Variants in IL1RAPL2 observed in about 807,000 individuals in gnomAD.
IL1RAPL2 encodes interleukin 1 receptor accessory protein like 2, also known as X-linked interleukin-1 receptor accessory protein-like 2.
In IL1RAPL2, 3 loss-of-function variants were observed where a neutral mutation model predicts 44.1. That is an observed-to-expected ratio of 0.07 (90% CI 0.03 to 0.18). The LOEUF (loss-of-function observed/expected upper bound fraction) is 0.18. Ranked by LOEUF, IL1RAPL2 falls within the 10% of genes least tolerant of loss-of-function variation. The pLI is 1.00. For missense variants in IL1RAPL2, 391 were observed against 496.4 expected (o/e 0.79, Z 2.02); for synonymous variants, 181 against 178.8 (o/e 1.01, Z -0.10).
At chrX:104,652,090 G>A (rs762283205) in intron 1 of IL1RAPL2, among the ~76,000 whole-genome samples, 25 of 111,835 alleles carry the variant, frequency 2.2e-4, no homozygotes, top group Middle Eastern at 9.4e-3. Flanking sequence ...AGGGAGCTAG[G>A]GTATTTATTC....
intron 2 of IL1RAPL2, among the ~76,000 whole-genome samples, chrX:105,129,161 T>C (rs888251534): frequency 9.0e-6 from 1 of 110,748 alleles, no homozygotes; most frequent in African/African-American, 3.3e-5. Flanking sequence ...AACTTGTTTC[T>C]CACAATTCCA....
chrX:104,916,781 GT>G (rs1207041738), intron 2 of IL1RAPL2, among the ~76,000 whole-genome samples: 4 of 111,064 alleles, frequency 3.6e-5, no homozygotes, highest in African/African-American at 1.3e-4. Context: ...AGCATGAAGG[GT>G]TGTTGAATTT....
At chrX:104,880,002 G>A (rs1020501633) in intron 2 of IL1RAPL2, among the ~76,000 whole-genome samples, 4 of 111,026 alleles carry the variant, frequency 3.6e-5, no homozygotes, top group African/African-American at 1.3e-4. Flanking sequence ...TGTGTAGAGT[G>A]AGTTGATTGC....
At chrX:105,180,835 G>A (rs1207063352) in intron 2 of IL1RAPL2, among the ~76,000 whole-genome samples, 1 of 112,045 alleles carries the variant, frequency 8.9e-6, no homozygotes, top group African/African-American at 3.2e-5. Context: ...TCAGTGTGAT[G>A]CTGGCCTCAT....
chrX:104,599,435 A>G (rs1473528462), intron 1 of IL1RAPL2, among the ~76,000 whole-genome samples: 1 of 108,290 alleles, frequency 9.2e-6, no homozygotes, highest in African/African-American at 3.4e-5. Flanking sequence ...TTTTGTAGAG[A>G]CAAGGTCTCA....
intron 1 of IL1RAPL2, among the ~76,000 whole-genome samples, chrX:104,657,699 G>A (rs1281025536): frequency 2.7e-5 from 3 of 110,985 alleles, no homozygotes; most frequent in Non-Finnish European, 5.7e-5. Context: ...TACAGAATAG[G>A]AGAAAATTTT....
chrX:104,582,596 T>TTCTTTCTTTC lies in IL1RAPL2; in HGVS notation c.-20+15546_-20+15547insCTTTCTTTCT, dbSNP rs1387907561. On this transcript the variant is annotated intron_variant, in intron 1 of 10. Transcript: ENST00000372582. ...TCTTTCTTTTTCTTTCTTTCTTTCT[T>TTCTTTCTTTC]TTTCTTTCTTTCTTTCTTTCTTTCT... Among the ~76,000 whole-genome samples the TTCTTTCTTTC allele has an allele frequency of 7.8e-3, 409 of 52,173 alleles. 11 individuals are homozygous for TTCTTTCTTTC. The highest frequency in any genetic ancestry group is 0.026 in the African/African-American group (374 of 14,554). 45.3% of individuals were successfully genotyped at this position (52,173 alleles called of 115,157 possible).
chrX:105,406,427 C>T (rs1204833655), intron 5 of IL1RAPL2: 23 of 1,126,356 alleles, frequency 2.0e-5, no homozygotes, highest in Non-Finnish European at 2.8e-5. Context: ...GATCTAACAC[C>T]TGGAAGTGGC....
At chrX:104,740,429 A>G (rs1932083455) in intron 2 of IL1RAPL2, among the ~76,000 whole-genome samples, 1 of 110,942 alleles carries the variant, frequency 9.0e-6, no homozygotes, top group East Asian at 2.9e-4. Flanking sequence ...ATTAGTGTCC[A>G]TTTTACATTA....
chrX:105,397,066 G>T (rs996160562), intron 5 of IL1RAPL2, among the ~76,000 whole-genome samples: 10 of 110,641 alleles, frequency 9.0e-5, no homozygotes, highest in African/African-American at 3.0e-4. Context: ...GATCTAGGTT[G>T]CATGCTCCTT....
intron 2 of IL1RAPL2, among the ~76,000 whole-genome samples, chrX:105,111,992 T>C (rs1418707474): frequency 8.9e-6 from 1 of 111,965 alleles, no homozygotes; most frequent in Non-Finnish European, 1.9e-5. Context: ...TCCAGAGCTT[T>C]CTACCTCTGG....
intron 5 of IL1RAPL2, among the ~76,000 whole-genome samples, chrX:105,451,045 T>C (rs948301452): frequency 3.6e-5 from 4 of 110,193 alleles, no homozygotes; most frequent in African/African-American, 6.6e-5. Flanking sequence ...TATCTCCTTA[T>C]AGTTTCACAG....
intron 5 of IL1RAPL2, chrX:105,406,645 G>T (rs1434365171): frequency 2.6e-6 from 3 of 1,145,389 alleles, no homozygotes; most frequent in Non-Finnish European, 3.6e-6. Context: ...GCAAATCTTT[G>T]CTGTGCAAAT....
intron 10 of IL1RAPL2, among the ~76,000 whole-genome samples, chrX:105,761,885 C>G (rs1180545258): frequency 1.8e-5 from 2 of 111,998 alleles, no homozygotes; most frequent in Non-Finnish European, 3.8e-5. Flanking sequence ...GGTGTCAACA[C>G]AAAAATAATT....
At chrX:104,731,993 G>T (rs1026562530) in intron 2 of IL1RAPL2, among the ~76,000 whole-genome samples, 3 of 111,965 alleles carry the variant, frequency 2.7e-5, no homozygotes, top group Non-Finnish European at 5.6e-5. Context: ...TGCAAAGAAG[G>T]TATGCATCAG....
intron 2 of IL1RAPL2, among the ~76,000 whole-genome samples, chrX:105,103,680 T>C (rs2032700563): frequency 9.0e-6 from 1 of 111,604 alleles, no homozygotes; most frequent in African/African-American, 3.3e-5. Flanking sequence ...TACAACTTGA[T>C]GGTGGTCAAA....
intron 1 of IL1RAPL2, among the ~76,000 whole-genome samples, chrX:104,598,398 C>CGGCTAGTA (rs1418620264): frequency 2.7e-5 from 3 of 112,077 alleles, no homozygotes; most frequent in Non-Finnish European, 5.6e-5. Flanking sequence ...CAAAGGGAAC[C>CGGCTAGTA]GGCTAGTCGC....
chrX:105,387,562 C>A (rs907772069), intron 5 of IL1RAPL2, among the ~76,000 whole-genome samples: 1 of 111,007 alleles, frequency 9.0e-6, no homozygotes. Flanking sequence ...AAAAATGTAT[C>A]TAACTTAATG....
chrX:104,903,484 T>C (rs760190664), intron 2 of IL1RAPL2, among the ~76,000 whole-genome samples: 4 of 111,829 alleles, frequency 3.6e-5, no homozygotes, highest in African/African-American at 1.3e-4. Flanking sequence ...TCTTGGGAGC[T>C]GTTTGAGCTG....
Sources: allele counts gnomAD v4.1 joint callset (sites outside exome capture counted in the v4.1 genomes callset), GRCh38; gene constraint gnomAD v4.1.1; transcripts MANE v1.5; gene names NCBI Gene and HGNC (gene_info 2026-07-23, HGNC 2026-07-21).